Variants in PCED1B observed in about 807,000 individuals in gnomAD.
PCED1B encodes the protein PC-esterase domain-containing protein 1B.
For missense variants in PCED1B, 573 were observed against 573.9 expected (o/e 1.00, Z 0.02); for synonymous variants, 251 against 246.1 (o/e 1.02, Z -0.19).
At chr12:47,136,350 C>G (rs954452792) in intron 2 of PCED1B, among the ~76,000 whole-genome samples, 1 of 152,130 alleles carries the variant, frequency 6.6e-6, no homozygotes, top group Non-Finnish European at 1.5e-5. Flanking sequence ...TTTATCTTAA[C>G]AGATAGACTT....
In PCED1B at chr12:47,103,459, G is replaced by T. The variant is rs908594277; in HGVS notation, c.-608-654G>T. Among the ~76,000 whole-genome samples, 3 of 152,192 alleles carry T rather than the reference G, an allele frequency of 2.0e-5. No individual in the cohort carries two copies. In the East Asian group the frequency reaches 5.8e-4, roughly 29 times the overall value. Reference sequence around the variant, plus strand: ...AGAAGCCATGATGAAGTCACGAGTTGCACAACAGTAGTAATTCGCAGCTAT... The same window carrying T: ...AGAAGCCATGATGAAGTCACGAGTTTCACAACAGTAGTAATTCGCAGCTAT... On this transcript the variant is annotated intron_variant, in intron 1 of 3. Coordinates refer to ENST00000546455, the MANE Select transcript of PCED1B (RefSeq NM_138371.3).
At chr12:47,105,068 T>C (rs1938885231) in intron 2 of PCED1B, among the ~76,000 whole-genome samples, 1 of 152,146 alleles carries the variant, frequency 6.6e-6, no homozygotes, top group Non-Finnish European at 1.5e-5. Context: ...CATTGGGAAA[T>C]ATCTCTGAGT....
At chr12:47,215,227 TAATC>T (rs901192291) in intron 2 of PCED1B, among the ~76,000 whole-genome samples, 62 of 151,810 alleles carry the variant, frequency 4.1e-4, no homozygotes, top group African/African-American at 1.4e-3. Flanking sequence ...TACACTTATC[TAATC>T]AATCAGAAGA....
chr12:47,230,066 A>G (rs1381459460), intron 3 of PCED1B, among the ~76,000 whole-genome samples: 1 of 136,520 alleles, frequency 7.3e-6, no homozygotes, highest in Non-Finnish European at 1.5e-5. Context: ...GAGCCACTGC[A>G]CTCAGCAAGT....
intron 2 of PCED1B, among the ~76,000 whole-genome samples, chr12:47,126,399 G>A (rs1183529271): frequency 6.6e-6 from 1 of 152,060 alleles, no homozygotes; most frequent in Non-Finnish European, 1.5e-5. Flanking sequence ...AATGTCACAT[G>A]CAATTTGCTA....
intron 2 of PCED1B, among the ~76,000 whole-genome samples, chr12:47,119,013 G>C (rs1363506169): frequency 1.3e-5 from 2 of 152,118 alleles, no homozygotes; most frequent in African/African-American, 4.8e-5. Flanking sequence ...CAAAACAACT[G>C]TATTGGTACT....
In PCED1B at chr12:47,082,678, A is replaced by G. The variant is rs1345307648; in HGVS notation, c.-609+2953A>G. 2.0e-5 allele frequency among the ~76,000 whole-genome samples: 3 copies of G among 152,200 alleles called. No homozygotes were observed. The East Asian group carries it at 5.8e-4, about 29-fold the overall frequency. Reference sequence around the variant, plus strand: ...ATTTATTGCTCACCACAGCCCTGTGACATTATATAATCCTATAACCCAGAT... The same window carrying G: ...ATTTATTGCTCACCACAGCCCTGTGGCATTATATAATCCTATAACCCAGAT... On this transcript the variant is annotated intron_variant, in intron 1 of 3. Transcript: ENST00000546455.
At chr12:47,181,592 C>G (rs1942098196) in intron 2 of PCED1B, among the ~76,000 whole-genome samples, 1 of 151,966 alleles carries the variant, frequency 6.6e-6, no homozygotes, top group Admixed American at 6.6e-5. Flanking sequence ...GTCTTGAACT[C>G]CCAACCTCAG....
chr12:47,147,647 T>C (rs76289748), intron 2 of PCED1B, among the ~76,000 whole-genome samples: 35 of 152,350 alleles, frequency 2.3e-4, no homozygotes, highest in Non-Finnish European at 4.6e-4. Flanking sequence ...TCTATTTCTA[T>C]TGATATCTAT....
intron 2 of PCED1B, among the ~76,000 whole-genome samples, chr12:47,169,606 A>G (rs1329629631): frequency 6.6e-6 from 1 of 152,178 alleles, no homozygotes. Context: ...ATATTTCTAA[A>G]TGAAGTTCTC....
intron 1 of PCED1B, chr12:47,079,971 G>C (rs1213038162): frequency 1.3e-5 from 2 of 151,856 alleles, no homozygotes; most frequent in Non-Finnish European, 2.9e-5. Flanking sequence ...GGAGGGAGCA[G>C]GCTGGGCGCG....
intron 3 of PCED1B, among the ~76,000 whole-genome samples, chr12:47,228,293 G>A (rs1592321693): frequency 1.3e-5 from 2 of 152,090 alleles, no homozygotes; most frequent in South Asian, 4.1e-4. Flanking sequence ...CTCCCAAAGT[G>A]TAGAGATTAC....
At chr12:47,109,662 A>G (rs1207710152) in intron 2 of PCED1B, among the ~76,000 whole-genome samples, 1 of 152,190 alleles carries the variant, frequency 6.6e-6, no homozygotes, top group Non-Finnish European at 1.5e-5. Context: ...ATCTCTATTC[A>G]GTCATGCATT....
chr12:47,166,986 C>A (rs1369395635), intron 2 of PCED1B, among the ~76,000 whole-genome samples: 1 of 151,988 alleles, frequency 6.6e-6, no homozygotes, highest in African/African-American at 2.4e-5. Flanking sequence ...CCATTTTTAG[C>A]AAAATAAAGG....
chr12:47,087,676 A>G (rs1938053953), intron 1 of PCED1B, among the ~76,000 whole-genome samples: 1 of 152,250 alleles, frequency 6.6e-6, no homozygotes, highest in African/African-American at 2.4e-5. Context: ...AAAAATTCCA[A>G]ATATTCCAAT....
At chr12:47,105,060 T>A (rs1446920394) in intron 2 of PCED1B, among the ~76,000 whole-genome samples, 1 of 152,176 alleles carries the variant, frequency 6.6e-6, no homozygotes, top group South Asian at 2.1e-4. Context: ...CCAAGCCCCA[T>A]TGGGAAATAT....
chr12:47,162,365 T>C (rs1941414270), intron 2 of PCED1B, among the ~76,000 whole-genome samples: 1 of 152,092 alleles, frequency 6.6e-6, no homozygotes, highest in African/African-American at 2.4e-5. Flanking sequence ...CTGTTTTGCA[T>C]TTCTATAAAG....
chr12:47,161,705 C>A (rs926213476), intron 2 of PCED1B, among the ~76,000 whole-genome samples: 8 of 152,114 alleles, frequency 5.3e-5, no homozygotes, highest in African/African-American at 1.9e-4. Flanking sequence ...GACAGTGTGG[C>A]GATTCCTCAA....
intron 2 of PCED1B, among the ~76,000 whole-genome samples, chr12:47,195,485 A>G (rs1193130801): frequency 2.0e-5 from 3 of 152,096 alleles, no homozygotes; most frequent in African/African-American, 7.2e-5. Flanking sequence ...AAATTTATTC[A>G]TTTTCCCTCT....
Sources: allele counts gnomAD v4.1 joint callset (sites outside exome capture counted in the v4.1 genomes callset), GRCh38; gene constraint gnomAD v4.1.1; transcripts MANE v1.5; gene names NCBI Gene and HGNC (gene_info 2026-07-23, HGNC 2026-07-21).